ZNF804B: variants seen among roughly 807,000 people sequenced by gnomAD.
The protein encoded by ZNF804B is zinc finger 804B.
ZNF804B carries 80 observed loss-of-function variants against 101.4 expected under a neutral mutation model. The ratio of observed to expected loss-of-function variants is 0.79; its 90% CI spans 0.66 to 0.95. The LOEUF (loss-of-function observed/expected upper bound fraction) is 0.95, where lower values mean the gene tolerates loss of function less well. ZNF804B is among the 40% of genes least tolerant of loss of function. The probability of loss-of-function intolerance (pLI) is 0.00; values close to 1 mark genes in which losing one functional copy is unlikely to be tolerated. For missense variants in ZNF804B, 1,673 were observed against 1,561.9 expected (o/e 1.07, Z -1.20); for synonymous variants, 622 against 558.8 (o/e 1.11, Z -1.59).
intron 1 of ZNF804B, among the ~76,000 whole-genome samples, chr7:89,015,487 T>TC (rs1274755043): frequency 6.7e-6 from 1 of 149,506 alleles, no homozygotes; most frequent in Non-Finnish European, 1.5e-5. Context: ...CCCTCCCCGC[T>TC]CCCCCCACCC....
At position 89,093,571 on chromosome 7, in the gene ZNF804B, G is replaced by A. The variant is rs754719177; in HGVS notation, c.109-124584G>A. The stretch of plus-strand genomic sequence containing the variant: ...CTATGGTGTCAGACAGAATAGTTCT[G>A]TTACCCTAAAAATGTTCTATGTGTA... On this transcript the variant is annotated intron_variant, in intron 1 of 3. Transcript: ENST00000333190. Among the ~76,000 whole-genome samples, 8 of 152,190 alleles carry A rather than the reference G, an allele frequency of 5.3e-5. No individual in the cohort carries two copies. In the East Asian group the frequency reaches 7.7e-4, roughly 15 times the overall value.
intron 1 of ZNF804B, among the ~76,000 whole-genome samples, chr7:88,873,144 T>G (rs542636917): frequency 6.6e-6 from 1 of 152,288 alleles, no homozygotes; most frequent in South Asian, 2.1e-4. Flanking sequence ...GTTTCCTGGC[T>G]TTTTAATGAT....
chr7:89,221,498 G>A (rs1227135084), intron 2 of ZNF804B, among the ~76,000 whole-genome samples: 1 of 151,908 alleles, frequency 6.6e-6, no homozygotes, highest in Admixed American at 6.6e-5. Context: ...TGAGAAAATC[G>A]AAGAGCATGA....
At chr7:88,885,163 A>G (rs2115916166) in intron 1 of ZNF804B, among the ~76,000 whole-genome samples, 1 of 152,062 alleles carries the variant, frequency 6.6e-6, no homozygotes, top group African/African-American at 2.4e-5. Flanking sequence ...TTTATGTACT[A>G]AAGATTCCAT....
chr7:89,329,184 T>A (rs1790940639), intron 3 of ZNF804B, among the ~76,000 whole-genome samples: 1 of 151,744 alleles, frequency 6.6e-6, no homozygotes, highest in South Asian at 2.1e-4. Context: ...GCAAACTCTC[T>A]AGGTCACAAT....
intron 1 of ZNF804B, among the ~76,000 whole-genome samples, chr7:89,132,203 C>G (rs1046050772): frequency 6.9e-6 from 1 of 145,778 alleles, no homozygotes; most frequent in Non-Finnish European, 1.5e-5. Flanking sequence ...CACACACACA[C>G]AGTTTGATGC....
chr7:89,245,393 A>G (rs1410681527), intron 2 of ZNF804B, among the ~76,000 whole-genome samples: 4 of 152,184 alleles, frequency 2.6e-5, no homozygotes, highest in Non-Finnish European at 4.4e-5. Context: ...TGAAAAAGGA[A>G]TAATAGACAT....
chr7:89,014,466 G>A (rs940427075), intron 1 of ZNF804B, among the ~76,000 whole-genome samples: 8 of 152,016 alleles, frequency 5.3e-5, no homozygotes, highest in African/African-American at 7.2e-5. Flanking sequence ...ACAGGCGCCC[G>A]CTGCGACGCC....
At chr7:89,220,242 A>G (rs972816692) in intron 2 of ZNF804B, among the ~76,000 whole-genome samples, 2 of 150,282 alleles carry the variant, frequency 1.3e-5, no homozygotes, top group African/African-American at 4.9e-5. Context: ...CCCTAAACGT[A>G]AGATATATGT....
At chr7:89,227,230 T>C (rs1789102647) in intron 2 of ZNF804B, among the ~76,000 whole-genome samples, 1 of 152,224 alleles carries the variant, frequency 6.6e-6, no homozygotes, top group Non-Finnish European at 1.5e-5. Flanking sequence ...TATCAGTAAA[T>C]GTGTTTATTC....
intron 1 of ZNF804B, among the ~76,000 whole-genome samples, chr7:89,010,118 C>A (rs545403966): frequency 9.2e-5 from 14 of 152,040 alleles, no homozygotes; most frequent in Non-Finnish European, 1.9e-4. Flanking sequence ...CTTATCTTTT[C>A]TTGGACCTTT....
intron 1 of ZNF804B, among the ~76,000 whole-genome samples, chr7:88,927,940 T>C (rs946129827): frequency 1.3e-5 from 2 of 152,138 alleles, no homozygotes; most frequent in African/African-American, 4.8e-5. Context: ...CTGCATTTTC[T>C]GTCCCTGAAC....
intron 1 of ZNF804B, among the ~76,000 whole-genome samples, chr7:88,852,545 G>C (rs974146027): frequency 6.6e-6 from 1 of 151,970 alleles, no homozygotes; most frequent in African/African-American, 2.4e-5. Flanking sequence ...ATGAGGAAAA[G>C]GACCCATTGG....
intron 1 of ZNF804B, among the ~76,000 whole-genome samples, chr7:88,920,601 CT>C (rs1372413459): frequency 6.6e-6 from 1 of 151,820 alleles, no homozygotes; most frequent in Non-Finnish European, 1.5e-5. Context: ...CATTACCAAC[CT>C]ACTGAATCTG....
chr7:89,033,263 C>T lies in ZNF804B; in HGVS notation c.109-184892C>T, dbSNP rs577712035. 1.4e-4 allele frequency among the ~76,000 whole-genome samples: 22 copies of T among 152,210 alleles called. No individual in the cohort carries two copies. The South Asian group carries it at 4.6e-3, about 32-fold the overall frequency. ...GGCTTATTTCACTTAGCATAATGTT[C>T]TCCAATTCACGTTGTCACAAATGAA... On this transcript the variant is annotated intron_variant, in intron 1 of 3. Transcript: ENST00000333190.
intron 1 of ZNF804B, among the ~76,000 whole-genome samples, chr7:89,001,682 T>C (rs1372855600): frequency 6.6e-6 from 1 of 151,968 alleles, no homozygotes; most frequent in Non-Finnish European, 1.5e-5. Flanking sequence ...CTCACCATTA[T>C]AAAACTGTAT....
chr7:88,983,104 T>C (rs972445224), intron 1 of ZNF804B, among the ~76,000 whole-genome samples: 6 of 152,060 alleles, frequency 3.9e-5, no homozygotes, highest in South Asian at 2.1e-4. Flanking sequence ...AGGGATGCCA[T>C]TGGGATTGAG....
At chr7:89,224,263 C>T (rs1055470497) in intron 2 of ZNF804B, among the ~76,000 whole-genome samples, 1 of 152,026 alleles carries the variant, frequency 6.6e-6, no homozygotes, top group African/African-American at 2.4e-5. Flanking sequence ...ATTTGCTTCA[C>T]AATAGGATTT....
Position 88,883,086 on chromosome 7 carries a change from A to T in ZNF804B, c.108+123002A>T, listed in dbSNP as rs190700503. Among the ~76,000 whole-genome samples, 34 of 152,224 alleles carry T rather than the reference A, an allele frequency of 2.2e-4. 1 individual carries two copies. The South Asian group carries it at 2.9e-3, about 13-fold the overall frequency. ...TACAAAAATAGAAGAAAAAAATTTT[A>T]AAAAAATTCCCTCTGGGTTAAACAT... is the stretch of plus-strand genomic sequence containing the variant. On this transcript the variant is annotated intron_variant, in intron 1 of 3. Coordinates refer to ENST00000333190, the MANE Select transcript of ZNF804B (RefSeq NM_181646.5).
Sources: gnomAD v4.1 joint callset for allele counts (sites outside exome capture counted in the v4.1 genomes callset) on GRCh38, gnomAD v4.1.1 for gene constraint, MANE v1.5 for transcripts, NCBI Gene and HGNC (gene_info 2026-07-23, HGNC 2026-07-21) for gene names.